Variants in ZMAT1 observed in about 807,000 individuals in gnomAD.
ZMAT1 encodes zinc finger matrin-type 1, also known as zinc finger matrin-type protein 1.
In ZMAT1, 11 loss-of-function variants were observed where a neutral mutation model predicts 18.5. That is an observed-to-expected ratio of 0.59 (90% CI 0.37 to 0.98). The LOEUF is 0.98. ZMAT1 is among the 50% of genes least tolerant of loss of function. The pLI is 0.01. For synonymous variants in ZMAT1, 211 were observed against 176.4 expected (o/e 1.20, Z -1.55); for missense variants, 525 against 496.2 (o/e 1.06, Z -0.55).
chrX:101,928,583 T>G (rs1232155823), intron 1 of ZMAT1, among the ~76,000 whole-genome samples: 4 of 112,643 alleles, frequency 3.6e-5, no homozygotes, highest in African/African-American at 1.3e-4. Flanking sequence ...GGTCTCCATC[T>G]CCTGACCTCG....
intron 1 of ZMAT1, among the ~76,000 whole-genome samples, chrX:101,930,184 C>A (rs1339095145): frequency 5.4e-5 from 6 of 112,048 alleles, no homozygotes; most frequent in Non-Finnish European, 1.1e-4. Flanking sequence ...AGATACTGGT[C>A]TTAAACCTTA....
chrX:101,924,072 GC>G (rs1929904175), intron 1 of ZMAT1, among the ~76,000 whole-genome samples: 1 of 111,242 alleles, frequency 9.0e-6, no homozygotes, highest in African/African-American at 3.3e-5. Context: ...ATTTTTTTAT[GC>G]TACTATAAAC....
chrX:101,893,493 A>G (rs186261300), intron 4 of ZMAT1, among the ~76,000 whole-genome samples: 27 of 111,972 alleles, frequency 2.4e-4, no homozygotes, highest in Non-Finnish European at 5.6e-5. Context: ...GATATGCTGA[A>G]TCACACTAAG....
At chrX:101,894,908 T>C in intron 4 of ZMAT1, 1 of 750,699 alleles carries the variant, frequency 1.3e-6, no homozygotes. Context: ...AAGGTGCCTG[T>C]GGGGGGAAAA....
At chrX:101,912,973 T>C (rs1275096406) in intron 1 of ZMAT1, among the ~76,000 whole-genome samples, 2 of 111,834 alleles carry the variant, frequency 1.8e-5, no homozygotes, top group African/African-American at 3.2e-5. Context: ...AGGGAGATTT[T>C]TCCTTTGTTA....
intron 1 of ZMAT1, among the ~76,000 whole-genome samples, chrX:101,917,339 G>A (rs757930949): frequency 1.8e-5 from 2 of 111,877 alleles, no homozygotes; most frequent in South Asian, 7.4e-4. Context: ...GAACTCCAAT[G>A]GAAAAAAATC....
intron 1 of ZMAT1, among the ~76,000 whole-genome samples, chrX:101,921,256 T>C (rs756997463): frequency 1.8e-5 from 2 of 111,836 alleles, no homozygotes; most frequent in African/African-American, 6.5e-5. Flanking sequence ...CCAGACTAAT[T>C]AGAATCTCTG....
chrX:101,931,492 CATCCTTTACAGGTGGG>C (rs1930480461), intron 1 of ZMAT1: 1 of 751,875 alleles, frequency 1.3e-6, no homozygotes, highest in Non-Finnish European at 1.6e-6. Context: ...TGGGGGCCCC[CATCCTTTACAGGTGGG>C]AGAGGTAGGG....
At chrX:101,919,680 T>C (rs755821347) in intron 1 of ZMAT1, among the ~76,000 whole-genome samples, 1 of 111,924 alleles carries the variant, frequency 8.9e-6, no homozygotes, top group Admixed American at 9.5e-5. Flanking sequence ...AAAAGGTTTC[T>C]GGAGTAGAAC....
At chrX:101,894,763 G>A (rs1354468154) in intron 4 of ZMAT1, 1 of 751,299 alleles carries the variant, frequency 1.3e-6, no homozygotes, top group Non-Finnish European at 1.6e-6. Flanking sequence ...GCTTCAAGGA[G>A]GAGAGAAGAA....
chrX:101,885,911 C>T (rs764505490), intron 5 of ZMAT1, among the ~76,000 whole-genome samples: 2 of 111,260 alleles, frequency 1.8e-5, no homozygotes, highest in South Asian at 7.6e-4. Context: ...TGACCTCAAA[C>T]TCCTTGGCTC....
chrX:101,902,602 G>A (rs1348832589), intron 2 of ZMAT1, among the ~76,000 whole-genome samples: 5 of 111,247 alleles, frequency 4.5e-5, no homozygotes, highest in Non-Finnish European at 9.4e-5. Context: ...AAATCAATGA[G>A]GTAAGGGTGG....
chrX:101,897,339 T>C (rs1603276611), intron 4 of ZMAT1, among the ~76,000 whole-genome samples: 1 of 38,660 alleles, frequency 2.6e-5, no homozygotes, highest in African/African-American at 1.1e-4. Flanking sequence ...GGGACTGTTG[T>C]GGGGTGGGGG....
intron 4 of ZMAT1, chrX:101,888,423 T>A: frequency 8.9e-6 from 1 of 111,834 alleles, no homozygotes; most frequent in Non-Finnish European, 1.9e-5. Context: ...GCAGGAGTCC[T>A]GGTTTCCTCT....
intron 4 of ZMAT1, among the ~76,000 whole-genome samples, chrX:101,890,926 C>A (rs930961431): frequency 9.0e-6 from 1 of 110,865 alleles, no homozygotes; most frequent in African/African-American, 3.3e-5. Context: ...TGGGAAGAGG[C>A]AAAATGGGTC....
intron 4 of ZMAT1, among the ~76,000 whole-genome samples, chrX:101,895,614 G>A (rs770862741): frequency 1.8e-5 from 2 of 110,650 alleles, no homozygotes; most frequent in South Asian, 7.5e-4. Context: ...GATTTTGCTG[G>A]AAGAGATTTC....
At chrX:101,915,121 A>C (rs1469657393) in intron 1 of ZMAT1, among the ~76,000 whole-genome samples, 3 of 111,908 alleles carry the variant, frequency 2.7e-5, no homozygotes, top group African/African-American at 9.7e-5. Flanking sequence ...AAAGCATTTG[A>C]TATAATTCAA....
At chrX:101,915,757 G>T (rs1230102682) in intron 1 of ZMAT1, 1 of 111,901 alleles carries the variant, frequency 8.9e-6, no homozygotes, top group Non-Finnish European at 1.9e-5. Context: ...TGCTGGCGAG[G>T]CTGTGGAGAA....
chrX:101,912,168 T>C (rs1338628611), intron 1 of ZMAT1: 18 of 657,080 alleles, frequency 2.7e-5, no homozygotes, highest in Admixed American at 3.9e-5. Context: ...GAAACGTATA[T>C]TCATACAAAA....
Sources: allele counts gnomAD v4.1 joint callset (sites outside exome capture counted in the v4.1 genomes callset), GRCh38; gene constraint gnomAD v4.1.1; transcripts MANE v1.5; gene names NCBI Gene and HGNC (gene_info 2026-07-23, HGNC 2026-07-21).